Variants in SPOCK3 observed in about 807,000 individuals in gnomAD.
The protein encoded by SPOCK3 is SPARC (osteonectin), cwcv and kazal like domains proteoglycan 3, also known as testican-3.
Under a neutral mutation model 56.6 loss-of-function variants are expected in SPOCK3, and 30 were observed. The observed-to-expected ratio is 0.53, with a 90% CI of 0.40 to 0.72. The LOEUF (loss-of-function observed/expected upper bound fraction) is 0.72, where lower values mean the gene tolerates loss of function less well. Among genes scored for constraint, SPOCK3 ranks in the 30% least tolerant of loss-of-function variants. SPOCK3 has a pLI of 0.00. For missense variants in SPOCK3, 527 were observed against 530.0 expected (o/e 0.99, Z 0.06); for synonymous variants, 196 against 183.3 (o/e 1.07, Z -0.56).
intron 6 of SPOCK3, among the ~76,000 whole-genome samples, chr4:166,841,767 C>G (rs946951822): frequency 1.3e-5 from 2 of 152,244 alleles, no homozygotes; most frequent in Non-Finnish European, 2.9e-5. Context: ...CTCTGTACAG[C>G]CTATATGATG....
At chr4:167,223,031 TTATATTTTATATATGAATA>T (rs1349612531) in intron 2 of SPOCK3, among the ~76,000 whole-genome samples, 1,162 of 113,526 alleles carry the variant, frequency 0.01, 33 homozygotes, top group Non-Finnish European at 0.013. Flanking sequence ...ATATAATATA[TTATATTTTATATATGAATA>T]TATATTTTAT....
intron 4 of SPOCK3, among the ~76,000 whole-genome samples, chr4:166,915,223 T>A (rs1172755450): frequency 6.6e-6 from 1 of 152,098 alleles, no homozygotes; most frequent in Non-Finnish European, 1.5e-5. Context: ...GTATCCTAGA[T>A]GATGAGTTGA....
Position 166,799,015 on chromosome 4 carries a change from C to T in SPOCK3, c.590-6726G>A, listed in dbSNP as rs186901079. Among the ~76,000 whole-genome samples, 165 of 152,230 alleles carry T rather than the reference C, an allele frequency of 1.1e-3. 1 individual carries two copies. The highest frequency in any genetic ancestry group is 3.8e-3 in the African/African-American group (159 of 41,534). ...CATCCCTAAGAACGCCAATTTAATG[C>T]CAAGATTTTTTAAGGATGGGATAAC... On this transcript the variant is annotated intron_variant, in intron 6 of 10. Coordinates refer to ENST00000357545, the MANE Select transcript of SPOCK3 (RefSeq NM_001040159.2).
At chr4:166,868,441 G>A (rs954249779) in intron 6 of SPOCK3, among the ~76,000 whole-genome samples, 1 of 151,926 alleles carries the variant, frequency 6.6e-6, no homozygotes, top group Non-Finnish European at 1.5e-5. Flanking sequence ...ACTCCACCCT[G>A]GGCAACACAG....
At chr4:166,886,501 T>G (rs938434882) in intron 6 of SPOCK3, among the ~76,000 whole-genome samples, 1 of 152,154 alleles carries the variant, frequency 6.6e-6, no homozygotes, top group African/African-American at 2.4e-5. Flanking sequence ...CTTGAATGTA[T>G]GTATTTGGAC....
intron 4 of SPOCK3, among the ~76,000 whole-genome samples, chr4:166,977,504 C>T (rs866590639): frequency 6.6e-6 from 1 of 151,888 alleles, no homozygotes; most frequent in Non-Finnish European, 1.5e-5. Context: ...TGTATCTTTT[C>T]CTTGCCAATT....
intron 2 of SPOCK3, among the ~76,000 whole-genome samples, chr4:167,160,636 A>T (rs1661435156): frequency 6.6e-6 from 1 of 152,182 alleles, no homozygotes; most frequent in Non-Finnish European, 1.5e-5. Context: ...CCTGACTTCA[A>T]ACTATACTAC....
chr4:166,931,607 T>TA (rs1185053807), intron 4 of SPOCK3, among the ~76,000 whole-genome samples: 1 of 152,230 alleles, frequency 6.6e-6, no homozygotes, highest in Non-Finnish European at 1.5e-5. Context: ...ATATTTATTT[T>TA]AAAAACCGTG....
intron 3 of SPOCK3, among the ~76,000 whole-genome samples, chr4:167,024,904 A>C (rs971204919): frequency 6.6e-6 from 1 of 152,058 alleles, no homozygotes; most frequent in Non-Finnish European, 1.5e-5. Context: ...TATTGTATTT[A>C]CTAATATTTT....
Position 166,955,395 on chromosome 4 carries a change from CAT to C in SPOCK3, c.351-42654_351-42653del, listed in dbSNP as rs201218403. Reference sequence around the variant, plus strand: ...AAACAGGGCTCTATGCATTTCAGCACATGTCAGTAGCTCATCAGCATAGTTTT... The same window carrying C: ...AAACAGGGCTCTATGCATTTCAGCACGTCAGTAGCTCATCAGCATAGTTTT... On this transcript the variant is annotated intron_variant, in intron 4 of 10. Coordinates refer to ENST00000357545, the MANE Select transcript of SPOCK3 (RefSeq NM_001040159.2). 9.4e-4 allele frequency among the ~76,000 whole-genome samples: 140 copies of C among 149,642 alleles called. 1 individual carries two copies. The East Asian group carries it at 0.023, about 24-fold the overall frequency.
intron 2 of SPOCK3, among the ~76,000 whole-genome samples, chr4:167,083,487 T>G (rs189584705): frequency 2.6e-5 from 4 of 152,256 alleles, no homozygotes; most frequent in East Asian, 3.9e-4. Context: ...GGTATCTCCA[T>G]GCAGACTGCT....
intron 2 of SPOCK3, among the ~76,000 whole-genome samples, chr4:167,221,254 G>C (rs1207749884): frequency 6.6e-6 from 1 of 151,966 alleles, no homozygotes; most frequent in African/African-American, 2.4e-5. Flanking sequence ...TGTAGTCCCA[G>C]CTACTTGAGA....
rs538396512 is a variant in SPOCK3 at position 166,901,336 on chromosome 4, T to A, written c.474+11284A>T. 4.6e-5 allele frequency among the ~76,000 whole-genome samples: 7 copies of A among 152,246 alleles called. No individual in the cohort carries two copies. In the South Asian group the frequency reaches 1.5e-3, roughly 32 times the overall value. ...CTGACAGCAGGCTGGAGAGCCATAT[T>A]TGATGCACTGTCAGTCTATGTCCCC... On this transcript the variant is annotated intron_variant, in intron 5 of 10. Coordinates refer to ENST00000357545, the MANE Select transcript of SPOCK3 (RefSeq NM_001040159.2).
At chr4:166,799,904 G>A (rs1333719334) in intron 6 of SPOCK3, among the ~76,000 whole-genome samples, 2 of 151,968 alleles carry the variant, frequency 1.3e-5, no homozygotes, top group East Asian at 1.9e-4. Flanking sequence ...GAAAATGGCC[G>A]GGCACGGTGG....
intron 2 of SPOCK3, among the ~76,000 whole-genome samples, chr4:167,217,258 C>G (rs542348297): frequency 2.1e-4 from 32 of 152,094 alleles, no homozygotes; most frequent in South Asian, 4.1e-4. Flanking sequence ...CCCTCTGTAT[C>G]CATGAATTTC....
At chr4:166,872,028 G>GCA (rs1278184404) in intron 6 of SPOCK3, among the ~76,000 whole-genome samples, 6 of 123,854 alleles carry the variant, frequency 4.8e-5, no homozygotes, top group East Asian at 2.5e-4. Context: ...CTAATAAAGG[G>GCA]CACACACACA....
chr4:166,936,037 T>C (rs1271362782), intron 4 of SPOCK3, among the ~76,000 whole-genome samples: 5 of 152,214 alleles, frequency 3.3e-5, no homozygotes, highest in Admixed American at 1.3e-4. Context: ...AATCATGAAT[T>C]AGTATTGAGG....
chr4:166,856,906 T>G (rs1730746133), intron 6 of SPOCK3, among the ~76,000 whole-genome samples: 2 of 152,086 alleles, frequency 1.3e-5, no homozygotes, highest in Admixed American at 6.5e-5. Context: ...CAATAAAAAT[T>G]GACTGAATTG....
intron 2 of SPOCK3, among the ~76,000 whole-genome samples, chr4:167,097,264 GC>G (rs1759242370): frequency 6.6e-6 from 1 of 151,366 alleles, no homozygotes; most frequent in Admixed American, 6.6e-5. Context: ...CTTGTTTTCT[GC>G]CTTCTCAGTT....
Sources: allele counts gnomAD v4.1 joint callset (sites outside exome capture counted in the v4.1 genomes callset), GRCh38; gene constraint gnomAD v4.1.1; transcripts MANE v1.5; gene names NCBI Gene and HGNC (gene_info 2026-07-23, HGNC 2026-07-21).